PSPC1: variants seen among roughly 807,000 people sequenced by gnomAD.
PSPC1 encodes paraspeckle component 1.
In PSPC1, 14 loss-of-function variants were observed where a neutral mutation model predicts 51.6. The ratio of observed to expected loss-of-function variants is 0.27; its 90% confidence interval spans 0.18 to 0.42. The LOEUF (loss-of-function observed/expected upper bound fraction) is 0.42. Among genes scored for constraint, PSPC1 ranks in the 10% least tolerant of loss-of-function variants. PSPC1 has a pLI of 1.00. For missense variants in PSPC1, 406 were observed against 701.1 expected (o/e 0.58, Z 4.75); for synonymous variants, 193 against 231.9 (o/e 0.83, Z 1.53).
intron 6 of PSPC1, among the ~76,000 whole-genome samples, chr13:19,691,006 ATTTT>A (rs1439957111): frequency 1.3e-5 from 2 of 152,200 alleles, no homozygotes; most frequent in Non-Finnish European, 2.9e-5. Flanking sequence ...GACAGTGTCT[ATTTT>A]CTTCACTATT....
In PSPC1 at chr13:19,715,798, G is replaced by A. The variant is rs189773926; in HGVS notation, c.1159-6199C>T. On this transcript the variant is annotated intron_variant, in intron 6 of 8. Transcript: ENST00000338910. Reference sequence around the variant, plus strand: ...GGAGGCTGAGGCGGATGGATCACGAGGTCAAGAGATCAAGACCATCCTAGC... The same window carrying A: ...GGAGGCTGAGGCGGATGGATCACGAAGTCAAGAGATCAAGACCATCCTAGC... Among the ~76,000 whole-genome samples the A allele has an allele frequency of 1.3e-3, 197 of 152,176 alleles. 1 individual carries two copies. Among genetic ancestry groups the A allele is most frequent in the African/African-American group, 4.5e-3 (185 of 41,534 alleles).
At chr13:19,676,969 T>A (rs1323870198) in intron 7 of PSPC1, among the ~76,000 whole-genome samples, 4 of 152,238 alleles carry the variant, frequency 2.6e-5, no homozygotes, top group Admixed American at 2.6e-4. Flanking sequence ...GCACAGTGGC[T>A]CACGCCTCTA....
chr13:19,772,642 G>A, intron 1 of PSPC1, 99 bp from the exon 2 acceptor site: 3 of 1,075,428 alleles, frequency 2.8e-6, no homozygotes, highest in Non-Finnish European at 4.0e-6. Context: ...TTTAGCAAAT[G>A]GCTGACAGGG....
In PSPC1 at chr13:19,749,269, AC is replaced by A. The variant is rs569715296; in HGVS notation, c.967+2001del. Among the ~76,000 whole-genome samples the A allele has an allele frequency of 2.3e-3, 344 of 152,012 alleles. 2 individuals carry two copies. The highest frequency in any genetic ancestry group is 7.9e-3 in the African/African-American group (328 of 41,462). On this transcript the variant is annotated intron_variant, in intron 4 of 8. Coordinates refer to ENST00000338910, the MANE Select transcript of PSPC1 (RefSeq NM_001354909.2). ...AGGCGGAGGCAGGAGGATTACTTGA[AC>A]CCCCGAGGTGGAGGTTGCAGTGAGC...
At chr13:19,757,686 T>C (rs564828117) in intron 3 of PSPC1, among the ~76,000 whole-genome samples, 2 of 152,268 alleles carry the variant, frequency 1.3e-5, no homozygotes, top group East Asian at 3.9e-4. Context: ...GTATTTAAAC[T>C]CACAAAAACT....
At chr13:19,744,625 C>T (rs533761052) in intron 4 of PSPC1, among the ~76,000 whole-genome samples, 7 of 151,550 alleles carry the variant, frequency 4.6e-5, no homozygotes, top group African/African-American at 1.7e-4. Context: ...AATGCAATGG[C>T]GAGGTCTCGG....
chr13:19,746,677 G>C (rs1392137463), intron 4 of PSPC1, among the ~76,000 whole-genome samples: 1 of 152,162 alleles, frequency 6.6e-6, no homozygotes, highest in Admixed American at 6.5e-5. Context: ...CACCAGCCTG[G>C]GCAACAGAGT....
intron 1 of PSPC1, among the ~76,000 whole-genome samples, chr13:19,776,573 C>T (rs1036543417): frequency 3.3e-5 from 5 of 151,570 alleles, no homozygotes; most frequent in African/African-American, 9.7e-5. Context: ...AGTGCAGCTG[C>T]GCAATCTCAC....
intron 1 of PSPC1, among the ~76,000 whole-genome samples, chr13:19,779,987 CGCCCCGTCCGG>C (rs1889740384): frequency 6.9e-6 from 1 of 144,774 alleles, no homozygotes; most frequent in East Asian, 2.2e-4. Context: ...CCCGGCCAGC[CGCCCCGTCCGG>C]GAGGGAGGTG....
At chr13:19,736,500 A>C (rs9508866) in intron 5 of PSPC1, among the ~76,000 whole-genome samples, 2 of 151,638 alleles carry the variant, frequency 1.3e-5, no homozygotes, top group Admixed American at 6.6e-5. Flanking sequence ...TGGCTAACAC[A>C]GTGAAACCCC....
At chr13:19,719,933 C>G (rs540402175) in intron 6 of PSPC1, among the ~76,000 whole-genome samples, 221 of 152,302 alleles carry the variant, frequency 1.5e-3, no homozygotes, top group Middle Eastern at 6.8e-3. Flanking sequence ...CCTCCCACCT[C>G]AGCCTCCCAA....
chr13:19,751,238 TCA>T (rs980134819), intron 4 of PSPC1, 31 bp downstream of exon 4: 1 of 1,476,286 alleles, frequency 6.8e-7, no homozygotes, highest in African/African-American at 1.4e-5. Context: ...AAAAAAAAAA[TCA>T]TACCACATGT....
chr13:19,695,681 C>A (rs1195404878), intron 6 of PSPC1, among the ~76,000 whole-genome samples: 2 of 152,018 alleles, frequency 1.3e-5, no homozygotes, highest in Non-Finnish European at 2.9e-5. Context: ...TAAGATGACA[C>A]AAAGTAAAAA....
At chr13:19,773,590 C>T (rs1380459615) in intron 1 of PSPC1, among the ~76,000 whole-genome samples, 2 of 151,924 alleles carry the variant, frequency 1.3e-5, no homozygotes, top group Admixed American at 6.6e-5. Context: ...AGACAAATCA[C>T]CTTTTCTTTT....
rs1593710667 is a variant in PSPC1 at position 19,751,920 on chromosome 13, T to C, written c.771-453A>G. Among the ~76,000 whole-genome samples, 8 of 152,134 alleles carry C rather than the reference T, an allele frequency of 5.3e-5. No individual in the cohort carries two copies. In the South Asian group the frequency reaches 1.7e-3, roughly 32 times the overall value. The stretch of plus-strand genomic sequence containing the variant: ...AAAATACAAAAAAATTAGCCGGGCG[T>C]GGTGGCAGGCACCTGTAGTCCCAGC... On this transcript the variant is annotated intron_variant, in intron 3 of 8. Coordinates refer to ENST00000338910, the MANE Select transcript of PSPC1 (RefSeq NM_001354909.2).
At chr13:19,745,477 C>A (rs576629080) in intron 4 of PSPC1, among the ~76,000 whole-genome samples, 1 of 152,202 alleles carries the variant, frequency 6.6e-6, no homozygotes, top group East Asian at 1.9e-4. Flanking sequence ...AGTGTTTTCT[C>A]AATTTAAAAT....
downstream of PSPC1, among the ~76,000 whole-genome samples, chr13:19,671,570 A>T (rs1425092354): frequency 6.6e-6 from 1 of 152,208 alleles, no homozygotes; most frequent in Non-Finnish European, 1.5e-5. Context: ...TGCCAAATGT[A>T]TGTCTTTAGG....
intron 3 of PSPC1, among the ~76,000 whole-genome samples, chr13:19,758,727 C>A (rs1002467936): frequency 4.0e-5 from 6 of 151,490 alleles, no homozygotes; most frequent in Non-Finnish European, 5.9e-5. Context: ...CCCAGCTACT[C>A]GGGAGGCTGA....
intron 6 of PSPC1, chr13:19,677,981 TTTC>T (rs1334419588): frequency 3.0e-5 from 10 of 331,656 alleles, no homozygotes; most frequent in Non-Finnish European, 5.3e-5. Flanking sequence ...CAGTAAGGAT[TTTC>T]TTTTTAATTC....
Sources: gnomAD v4.1 joint callset for allele counts (sites outside exome capture counted in the v4.1 genomes callset) on GRCh38, gnomAD v4.1.1 for gene constraint, MANE v1.5 for transcripts, NCBI Gene and HGNC (gene_info 2026-07-23, HGNC 2026-07-21) for gene names.